Variants in LUZP2 observed in about 807,000 individuals in gnomAD.
LUZP2 encodes the protein leucine zipper protein 2.
Under a neutral mutation model 51.6 loss-of-function variants are expected in LUZP2, and 52 were observed. The ratio of observed to expected loss-of-function variants is 1.01; its 90% confidence interval spans 0.81 to 1.27. The LOEUF is 1.27. LUZP2 is among the 50% of genes most tolerant of loss of function. LUZP2 has a pLI of 0.00. For synonymous variants in LUZP2, 154 were observed against 137.3 expected (o/e 1.12, Z -0.85); for missense variants, 436 against 395.4 (o/e 1.10, Z -0.87).
intron 10 of LUZP2, among the ~76,000 whole-genome samples, chr11:25,073,443 T>A (rs2134058164): frequency 6.6e-6 from 1 of 152,318 alleles, no homozygotes; most frequent in South Asian, 2.1e-4. Flanking sequence ...AACACATTCC[T>A]TTGTGTCCTG....
intron 9 of LUZP2, among the ~76,000 whole-genome samples, chr11:25,044,111 A>C (rs10834590): frequency 0.013 from 742 of 54,976 alleles, 57 homozygotes; most frequent in East Asian, 0.048. Context: ...TATATAGACT[A>C]TATATATCAG....
chr11:25,012,111 A>C (rs1203444531), intron 9 of LUZP2, among the ~76,000 whole-genome samples: 10 of 152,120 alleles, frequency 6.6e-5, no homozygotes, highest in Admixed American at 5.9e-4. Flanking sequence ...ATTAGAATTA[A>C]GTCATTCTAA....
At chr11:25,021,968 C>G (rs1456298238) in intron 9 of LUZP2, among the ~76,000 whole-genome samples, 1 of 152,026 alleles carries the variant, frequency 6.6e-6, no homozygotes, top group Non-Finnish European at 1.5e-5. Flanking sequence ...GTATTTTTCA[C>G]CACTCTTCAT....
Position 24,645,857 on chromosome 11 carries a change from G to C in LUZP2, c.63-83312G>C, listed in dbSNP as rs542730239. ...ATATATTAAGTGTGTGTGTGTGTGT[G>C]TGTGTGTATCCTTAAAATAAAATGT... On this transcript the variant is annotated intron_variant, in intron 1 of 11. Coordinates refer to ENST00000336930, the MANE Select transcript of LUZP2 (RefSeq NM_001009909.4). Among the ~76,000 whole-genome samples the C allele has an allele frequency of 2.5e-3, 386 of 152,092 alleles. 2 individuals carry two copies. Among genetic ancestry groups the C allele is most frequent in the African/African-American group, 9.1e-3 (376 of 41,518 alleles).
chr11:24,854,279 C>T (rs1316480335), intron 5 of LUZP2, among the ~76,000 whole-genome samples: 1 of 152,210 alleles, frequency 6.6e-6, no homozygotes, highest in Non-Finnish European at 1.5e-5. Flanking sequence ...CTATAAGTAC[C>T]TGACTGAGGC....
intron 1 of LUZP2, among the ~76,000 whole-genome samples, chr11:24,556,163 T>A (rs1851863826): frequency 6.6e-6 from 1 of 152,198 alleles, no homozygotes; most frequent in Non-Finnish European, 1.5e-5. Flanking sequence ...AAAAGTTTTG[T>A]GGATATACTT....
intron 1 of LUZP2, among the ~76,000 whole-genome samples, chr11:24,654,511 C>T (rs546443411): frequency 6.6e-6 from 1 of 151,994 alleles, no homozygotes; most frequent in Non-Finnish European, 1.5e-5. Context: ...CACCCCTGGG[C>T]TCAAGAGTTT....
chr11:24,827,392 A>AT (rs1237598818), intron 5 of LUZP2, among the ~76,000 whole-genome samples: 1 of 152,178 alleles, frequency 6.6e-6, no homozygotes, highest in Non-Finnish European at 1.5e-5. Context: ...CTTAAGAAAT[A>AT]TTTTTTATTA....
chr11:25,044,257 GTATA>G (rs1235208041), intron 9 of LUZP2, among the ~76,000 whole-genome samples: 2,374 of 60,570 alleles, frequency 0.039, 75 homozygotes, highest in African/African-American at 0.12. Flanking sequence ...GTGTGTGTGT[GTATA>G]TATATATATA....
chr11:24,509,045 T>C (rs187392737), intron 1 of LUZP2, among the ~76,000 whole-genome samples: 12 of 152,258 alleles, frequency 7.9e-5, no homozygotes, highest in African/African-American at 2.6e-4. Flanking sequence ...ACATGTAGAA[T>C]GATGGGACAA....
chr11:24,785,361 A>T (rs775033274), intron 5 of LUZP2, among the ~76,000 whole-genome samples: 16 of 152,040 alleles, frequency 1.1e-4, no homozygotes, highest in African/African-American at 3.9e-4. Context: ...TAGCAGGTGG[A>T]TTTATGATTA....
intron 5 of LUZP2, among the ~76,000 whole-genome samples, chr11:24,846,142 A>T (rs1851191741): frequency 1.3e-5 from 2 of 151,270 alleles, no homozygotes; most frequent in South Asian, 4.2e-4. Flanking sequence ...ATACAAAAGA[A>T]AAAAAAAACA....
intron 1 of LUZP2, among the ~76,000 whole-genome samples, chr11:24,627,718 C>A (rs879604588): frequency 3.9e-5 from 6 of 152,070 alleles, no homozygotes; most frequent in African/African-American, 9.7e-5. Context: ...ACTGACAATT[C>A]CAGTGTTTGA....
chr11:24,802,596 A>ATCATT (rs1322903399), intron 5 of LUZP2, among the ~76,000 whole-genome samples: 1 of 151,964 alleles, frequency 6.6e-6, no homozygotes, highest in Non-Finnish European at 1.5e-5. Context: ...ATTCATTTTC[A>ATCATT]TCATTTCTTA....
chr11:24,628,167 T>C lies in LUZP2; in HGVS notation c.63-101002T>C, dbSNP rs141693145. 1.3e-3 allele frequency among the ~76,000 whole-genome samples: 196 copies of C among 151,294 alleles called. 2 individuals are homozygous for C. The highest frequency in any genetic ancestry group is 9.6e-3 in the South Asian group (46 of 4,774). ...AACACAGATAATTCTTGTAAAATTA[T>C]GACTCACACACTTGCATACACACGC... On this transcript the variant is annotated intron_variant, in intron 1 of 11. Transcript: ENST00000336930.
At chr11:24,513,376 C>T (rs186442165) in intron 1 of LUZP2, among the ~76,000 whole-genome samples, 2 of 151,868 alleles carry the variant, frequency 1.3e-5, no homozygotes, top group African/African-American at 4.8e-5. Context: ...CTTTAGCAGT[C>T]GTTGGTAAGG....
chr11:25,053,889 A>G (rs754179787), intron 10 of LUZP2, among the ~76,000 whole-genome samples: 4 of 152,152 alleles, frequency 2.6e-5, no homozygotes, highest in Non-Finnish European at 4.4e-5. Flanking sequence ...CTTTGAACAA[A>G]CATGAGTGGT....
Position 24,515,084 on chromosome 11 carries a change from G to T in LUZP2, c.62+17779G>T, listed in dbSNP as rs139492292. ...AAGGTCTATTATTTACCATTTCCCC[G>T]ATTTCAGGGCAGAGTTTAGAACCGG... On this transcript the variant is annotated intron_variant, in intron 1 of 11. Coordinates refer to ENST00000336930, the MANE Select transcript of LUZP2 (RefSeq NM_001009909.4). Among the ~76,000 whole-genome samples the T allele has an allele frequency of 2.9e-3, 448 of 152,264 alleles. 3 individuals are homozygous for T. The highest frequency in any genetic ancestry group is 0.01 in the African/African-American group (436 of 41,564).
intron 1 of LUZP2, among the ~76,000 whole-genome samples, chr11:24,529,045 C>T (rs545796678): frequency 5.3e-5 from 8 of 151,104 alleles, no homozygotes; most frequent in South Asian, 2.1e-4. Flanking sequence ...CCTTCAAACT[C>T]GCAGTGCAAA....
Sources: allele counts gnomAD v4.1 joint callset (sites outside exome capture counted in the v4.1 genomes callset), GRCh38; gene constraint gnomAD v4.1.1; transcripts MANE v1.5; gene names NCBI Gene and HGNC (gene_info 2026-07-23, HGNC 2026-07-21).